The following MCTP1 variants were observed in gnomAD, a reference collection of about 807,000 sequenced individuals.
The protein encoded by MCTP1 is multiple C2 and transmembrane domain-containing protein 1.
MCTP1 carries 69 observed loss-of-function variants against 120.6 expected under a neutral mutation model. The ratio of observed to expected loss-of-function variants is 0.57; its 90% CI spans 0.47 to 0.70. The LOEUF (loss-of-function observed/expected upper bound fraction) is 0.70, where lower values mean the gene tolerates loss of function less well. Ranked by LOEUF, MCTP1 falls within the 30% of genes least tolerant of loss-of-function variation. The pLI is 0.00. For missense variants in MCTP1, 1,203 were observed against 1,248.8 expected (o/e 0.96, Z 0.55); for synonymous variants, 529 against 493.1 (o/e 1.07, Z -0.96).
At chr5:95,059,819 T>C (rs535803820) in intron 1 of MCTP1, among the ~76,000 whole-genome samples, 49 of 152,298 alleles carry the variant, frequency 3.2e-4, no homozygotes, top group African/African-American at 1.1e-3. Context: ...TTTCTATCTC[T>C]AGGCAGCTTT....
intron 1 of MCTP1, among the ~76,000 whole-genome samples, chr5:95,095,347 A>G (rs749441025): frequency 1.3e-5 from 2 of 152,098 alleles, no homozygotes; most frequent in South Asian, 4.1e-4. Context: ...TATAACAACT[A>G]TTTCCTCCAA....
chr5:95,014,114 A>T (rs1475540118), intron 2 of MCTP1, among the ~76,000 whole-genome samples: 1 of 152,106 alleles, frequency 6.6e-6, no homozygotes, highest in Non-Finnish European at 1.5e-5. Flanking sequence ...AAAGAAAAAA[A>T]ATAGCCGGGC....
At chr5:95,086,401 G>T (rs1392548295) in intron 1 of MCTP1, among the ~76,000 whole-genome samples, 1 of 152,184 alleles carries the variant, frequency 6.6e-6, no homozygotes, top group Non-Finnish European at 1.5e-5. Context: ...GCCAGAGGTT[G>T]TGCTGAGGCA....
chr5:95,203,295 T>A (rs1199151790), intron 1 of MCTP1, among the ~76,000 whole-genome samples: 1 of 152,230 alleles, frequency 6.6e-6, no homozygotes, highest in Admixed American at 6.5e-5. Context: ...TCCTGTGCTA[T>A]GTTTCTATAA....
chr5:95,264,127 C>T (rs992643569), intron 1 of MCTP1, among the ~76,000 whole-genome samples: 16 of 152,048 alleles, frequency 1.1e-4, no homozygotes, highest in African/African-American at 3.9e-4. Context: ...ATATTCTAGG[C>T]TCTGAAAGGA....
At chr5:94,778,535 A>C (rs1207685345) in intron 19 of MCTP1, among the ~76,000 whole-genome samples, 4 of 152,010 alleles carry the variant, frequency 2.6e-5, no homozygotes, top group Non-Finnish European at 5.9e-5. Flanking sequence ...ACCCTCCCCA[A>C]ATCAACCAGC....
intron 2 of MCTP1, among the ~76,000 whole-genome samples, chr5:94,990,646 A>G (rs560786532): frequency 1.8e-4 from 27 of 152,322 alleles, no homozygotes; most frequent in Middle Eastern, 3.4e-3. Flanking sequence ...ACATTTGCAA[A>G]ATTAGCACAA....
chr5:95,144,423 G>T (rs778059389), intron 1 of MCTP1, among the ~76,000 whole-genome samples: 2 of 152,070 alleles, frequency 1.3e-5, no homozygotes, highest in African/African-American at 2.4e-5. Context: ...GTTTCCACTT[G>T]TCAATTTTTG....
At chr5:95,206,160 G>T (rs77208544) in intron 1 of MCTP1, among the ~76,000 whole-genome samples, 1,594 of 152,160 alleles carry the variant, frequency 0.01, 13 homozygotes, top group Middle Eastern at 0.031. Flanking sequence ...ATAAAACATG[G>T]TATATTCATA....
At chr5:94,980,161 C>T (rs966282470) in intron 2 of MCTP1, among the ~76,000 whole-genome samples, 8 of 152,150 alleles carry the variant, frequency 5.3e-5, no homozygotes, top group African/African-American at 1.9e-4. Context: ...ACAGTACTCC[C>T]AGATATATTT....
intron 19 of MCTP1, among the ~76,000 whole-genome samples, chr5:94,751,136 GA>G (rs1768190578): frequency 6.6e-6 from 1 of 152,100 alleles, no homozygotes; most frequent in African/African-American, 2.4e-5. Flanking sequence ...TAATCACTCA[GA>G]AGCATAATAT....
At chr5:95,094,940 T>C (rs1756113742) in intron 1 of MCTP1, among the ~76,000 whole-genome samples, 1 of 151,788 alleles carries the variant, frequency 6.6e-6, no homozygotes, top group African/African-American at 2.4e-5. Flanking sequence ...GCACATTTTT[T>C]GTTTTGCTTC....
chr5:94,881,237 A>T (rs1799995942), intron 12 of MCTP1, among the ~76,000 whole-genome samples: 1 of 152,120 alleles, frequency 6.6e-6, no homozygotes, highest in Non-Finnish European at 1.5e-5. Flanking sequence ...GTGTCTTCTC[A>T]ACTCGTTAAT....
intron 5 of MCTP1, 94 bp from the exon 6 acceptor site, chr5:94,932,085 G>C: frequency 1.2e-6 from 1 of 820,712 alleles, no homozygotes. Flanking sequence ...ATTAGCCCTT[G>C]AAACAGCGAA....
intron 1 of MCTP1, among the ~76,000 whole-genome samples, chr5:95,023,630 A>G (rs1459770361): frequency 6.6e-6 from 1 of 152,226 alleles, no homozygotes; most frequent in Non-Finnish European, 1.5e-5. Flanking sequence ...CTAGAGAGAC[A>G]TCTCCTTTCA....
chr5:94,707,526 T>G lies in MCTP1; in HGVS notation c.2970A>C (p.Pro990=), dbSNP rs1178098565. The G allele has an allele frequency of 2.5e-6, 4 of 1,611,920 alleles. No individual in the cohort carries two copies. The highest frequency in any genetic ancestry group is 1.1e-5 in the South Asian group (1 of 91,020). ...QELKPDPSHS[P]YKRKKNNLG ...CAAGATTGTTTTTCTTTCTTTTATA[T>G]GGGCTATGAGAAGGATCTGGTTTCA... is the stretch of plus-strand genomic sequence containing the variant. Residue 990 remains proline (P), a synonymous_variant, in exon 23 of 23, where the codon CCA becomes CCC. Coordinates refer to ENST00000515393, the MANE Select transcript of MCTP1 (RefSeq NM_024717.7).
At chr5:95,200,829 A>G (rs942537897) in intron 1 of MCTP1, among the ~76,000 whole-genome samples, 1 of 152,234 alleles carries the variant, frequency 6.6e-6, no homozygotes, top group African/African-American at 2.4e-5. Context: ...TGCGTATGTG[A>G]GGTAATGCAT....
At chr5:94,872,952 A>G (rs2153320759) in intron 13 of MCTP1, among the ~76,000 whole-genome samples, 187 bp downstream of exon 13, 1 of 152,152 alleles carries the variant, frequency 6.6e-6, no homozygotes, top group African/African-American at 2.4e-5. Context: ...AAAATGCCAT[A>G]CCCTTTCCCC....
Position 94,952,171 on chromosome 5 carries a change from C to CAA in MCTP1, c.981+1046_981+1047dup, listed in dbSNP as rs57358026. On this transcript the variant is annotated intron_variant, in intron 3 of 22. Coordinates refer to ENST00000515393, the MANE Select transcript of MCTP1 (RefSeq NM_024717.7). Reference sequence around the variant, plus strand: ...TGGGTGACAGAATGAGACTTTGTCGCAAAAAAAAAAAAAAAAAAAAAAGCT... The same window carrying CAA: ...TGGGTGACAGAATGAGACTTTGTCGCAAAAAAAAAAAAAAAAAAAAAAAAGCT... Among the ~76,000 whole-genome samples the CAA allele has an allele frequency of 1.1e-3, 93 of 87,822 alleles. 3 individuals carry two copies. The highest frequency in any genetic ancestry group is 2.6e-3 in the East Asian group (6 of 2,350). 57.6% of individuals were successfully genotyped at this position (87,822 alleles called of 152,430 possible).
Sources: gnomAD v4.1 joint callset for allele counts (sites outside exome capture counted in the v4.1 genomes callset) on GRCh38, gnomAD v4.1.1 for gene constraint, MANE v1.5 for transcripts, NCBI Gene and HGNC (gene_info 2026-07-23, HGNC 2026-07-21) for gene names.